MAP3K13: variants seen among roughly 807,000 people sequenced by gnomAD.
The protein encoded by MAP3K13 is leucine zipper-bearing kinase.
In MAP3K13, 52 loss-of-function variants were observed where a neutral mutation model predicts 104.0. That is an observed-to-expected ratio of 0.50 (90% CI 0.40 to 0.63). The LOEUF is 0.63. Among genes scored for constraint, MAP3K13 ranks in the 20% least tolerant of loss-of-function variants. The pLI, the probability that MAP3K13 is intolerant of heterozygous loss-of-function variation, is 0.00. For missense variants in MAP3K13, 914 were observed against 1,218.5 expected, an observed-to-expected ratio of 0.75 and a Z score of 3.72; for synonymous variants, 394 against 442.2, an observed-to-expected ratio of 0.89 and a Z score of 1.37.
At chr3:185,427,082 G>A (rs1031570617) in intron 1 of MAP3K13, among the ~76,000 whole-genome samples, 2 of 152,198 alleles carry the variant, frequency 1.3e-5, no homozygotes, top group African/African-American at 4.8e-5. Context: ...GCTGGGCGCA[G>A]TGGCCCATGC....
Position 185,473,578 on chromosome 3 carries a change from G to A in MAP3K13, c.2247G>A (p.Glu749=). Residue 749 remains glutamate (E), a synonymous_variant, in exon 11 of 14, where the codon GAG becomes GAA. Coordinates refer to ENST00000265026, the MANE Select transcript of MAP3K13 (RefSeq NM_004721.5). This position sits in a 1 kb window ranked among gnomAD's most constrained non-coding sequence, Gnocchi z 4.9. The part of the protein sequence containing the change: ...QYGSLDIPSA[E]PVGRSPDLSK... ...GGTCCTTAGACATACCCTCTGCTGA[G>A]CCAGTGGGGAGGAGCCCTGACCTTT... 6.2e-7 allele frequency: 1 copy of A among 1,614,184 alleles called. No homozygotes were observed. Among genetic ancestry groups the A allele is most frequent in the South Asian group, 1.1e-5 (1 of 91,088 alleles).
At chr3:185,390,874 GC>G (rs1420412674) in intron 1 of MAP3K13, among the ~76,000 whole-genome samples, 1 of 151,994 alleles carries the variant, frequency 6.6e-6, no homozygotes, top group African/African-American at 2.4e-5. Context: ...GCCTGCCTCG[GC>G]CTCACAAAGT....
chr3:185,400,905 GTTTTTTT>G (rs71164506), intron 1 of MAP3K13, among the ~76,000 whole-genome samples: 5 of 107,294 alleles, frequency 4.7e-5, no homozygotes, highest in African/African-American at 1.5e-4. Flanking sequence ...GTGTTTGTTT[GTTTTTTT>G]TTTTTTTTTT....
chr3:185,297,138 T>TA (rs1230610262), intron 2 of MAP3K13, among the ~76,000 whole-genome samples: 4 of 151,450 alleles, frequency 2.6e-5, no homozygotes, highest in South Asian at 2.1e-4. Context: ...GTTACTCTTC[T>TA]AAAAAAAAAC....
At chr3:185,401,102 A>G (rs1232407407) in intron 1 of MAP3K13, among the ~76,000 whole-genome samples, 2 of 152,172 alleles carry the variant, frequency 1.3e-5, no homozygotes, top group East Asian at 1.9e-4. Flanking sequence ...GCCTCTTGCC[A>G]GGTGAACACA....
chr3:185,418,236 T>C lies in MAP3K13; in HGVS notation c.-85-10261T>C. 1 of 1,607,500 alleles carries C rather than the reference T, an allele frequency of 6.2e-7. No homozygotes were observed. On this transcript the variant is annotated intron_variant, in intron 1 of 13. Transcript: ENST00000265026. This position sits in a 1 kb window ranked among gnomAD's most constrained non-coding sequence, Gnocchi z 4.5. ...TCATTCGCTGAGAGGCATAGACCTT[T>C]TCGATATCATTCCAGGCTTTAAGTT... is the stretch of plus-strand genomic sequence containing the variant.
At position 185,485,672 on chromosome 3, in the gene MAP3K13, A is replaced by G. The variant is rs1379764998; in HGVS notation, c.*3216A>G. The G allele has an allele frequency of 6.6e-6, 1 of 152,182 alleles. No individual in the cohort carries two copies. The highest frequency in any genetic ancestry group is 1.5e-5 in the Non-Finnish European group (1 of 68,018). 9.4% of individuals were successfully genotyped at this position (152,182 alleles called of 1,614,324 possible). A position where few individuals can be genotyped will look rare whatever the true frequency, so the allele number is the denominator to read the frequency against. On this transcript the variant is annotated 3_prime_UTR_variant, in exon 14 of 14. Coordinates refer to ENST00000265026, the MANE Select transcript of MAP3K13 (RefSeq NM_004721.5). ...TAATTAATAATAGCCCCAAAGGGCA[A>G]GAGTGCTGTGCCTAATTTACAAATT...
intron 2 of MAP3K13, among the ~76,000 whole-genome samples, chr3:185,344,479 C>G (rs1219398316): frequency 6.6e-6 from 1 of 152,198 alleles, no homozygotes; most frequent in Non-Finnish European, 1.5e-5. Context: ...ATATATTACC[C>G]TGCTCTGCTA....
intron 2 of MAP3K13, among the ~76,000 whole-genome samples, chr3:185,346,328 G>A (rs2108726554): frequency 6.6e-6 from 1 of 152,210 alleles, no homozygotes; most frequent in East Asian, 1.9e-4. Context: ...AAAATCACCA[G>A]TCTCTCTATA....
At chr3:185,433,936 G>T (rs1030707329) in intron 2 of MAP3K13, among the ~76,000 whole-genome samples, 2 of 150,960 alleles carry the variant, frequency 1.3e-5, no homozygotes, top group Non-Finnish European at 3.0e-5. Flanking sequence ...TGAAAAGAAA[G>T]GATTTTTAAA....
At position 185,480,474 on chromosome 3, in the gene MAP3K13, G is replaced by A. The variant is rs3732576; in HGVS notation, c.2744G>A (p.Arg915His). 1.9e-4 allele frequency: 302 copies of A among 1,614,172 alleles called. 1 individual carries two copies. In the East Asian group the frequency reaches 4.6e-3, roughly 25 times the overall value. ...TCTGACAAGGAGTGTGCCGTGCGCC[G>A]TGTGAAGACTCAGATGTCTCTGGGC... ...GLSDKECAVR[R>H]VKTQMSLGKL... Residue 915 changes from arginine (R) to histidine (H), a missense_variant, in exon 13 of 14, where the codon CGT (arginine) becomes CAT (histidine). Physicochemically the swap from Arg to His is conservative, Grantham distance 29 (BLOSUM62 0). This residue lies in a region of MAP3K13 where 583 missense variants were observed against 737.4 expected (regional missense o/e 0.79). Transcript: ENST00000265026.
intron 1 of MAP3K13, among the ~76,000 whole-genome samples, chr3:185,382,549 C>G (rs762217715): frequency 3.9e-4 from 59 of 152,144 alleles, no homozygotes; most frequent in Non-Finnish European, 6.9e-4. Flanking sequence ...GTTTGCCCCT[C>G]CAAACCCATC....
chr3:185,348,559 C>G (rs1394854202), intron 2 of MAP3K13, among the ~76,000 whole-genome samples: 1 of 152,168 alleles, frequency 6.6e-6, no homozygotes, highest in East Asian at 1.9e-4. Flanking sequence ...TATGGACATG[C>G]TGCTTTTCTT....
At chr3:185,431,086 C>T (rs1281526795) in intron 2 of MAP3K13, among the ~76,000 whole-genome samples, 9 of 152,184 alleles carry the variant, frequency 5.9e-5, no homozygotes, top group Non-Finnish European at 1.3e-4. Flanking sequence ...CTCGTGAGCA[C>T]TCACTCACTA....
chr3:185,447,922 C>T lies in MAP3K13; in HGVS notation c.985C>T (p.Pro329Ser), dbSNP rs1248270360. Residue 329 changes from proline (P) to serine (S), a missense_variant, in exon 5 of 14, where the codon CCT becomes TCT. By Grantham distance (74) the Pro-to-Ser change is moderately conservative. Transcript: ENST00000265026. ...GGCGCCAGAGGTGATACGGAATGAA[C>T]CTGTCTCTGAAAAAGTTGATATATG... ...WMAPEVIRNE[P>S]VSEKVDIWSF... The T allele has an allele frequency of 1.9e-6, 3 of 1,610,572 alleles. No homozygotes were observed. Among genetic ancestry groups the T allele is most frequent in the Admixed American group, 3.4e-5 (2 of 59,052 alleles).
intron 7 of MAP3K13, 38 bp downstream of exon 7, chr3:185,451,433 G>C: frequency 2.2e-6 from 3 of 1,346,188 alleles, no homozygotes; most frequent in Non-Finnish European, 2.1e-6. Context: ...CTACTAAACA[G>C]ATAGAGAACT....
chr3:185,482,276 C>A lies in MAP3K13; in HGVS notation c.2800-79C>A. ...TGTAGCCCCCTTACCAAGCACAGTGCCTGTTGTGTGGGAGGTGTTTGACAT... is the reference window on the plus strand; with the variant it reads ...TGTAGCCCCCTTACCAAGCACAGTGACTGTTGTGTGGGAGGTGTTTGACAT... On this transcript the variant is annotated intron_variant, in intron 13 of 13. Coordinates refer to ENST00000265026, the MANE Select transcript of MAP3K13 (RefSeq NM_004721.5). The surrounding 1 kb of genome is among the most constrained non-coding windows in gnomAD (Gnocchi z 4.5). 2.0e-6 allele frequency: 2 copies of A among 998,178 alleles called. No individual in the cohort carries two copies. The highest frequency in any genetic ancestry group is 3.2e-6 in the Non-Finnish European group (2 of 625,090). The allele number at this position is 998,178 out of a possible 1,614,324, so 61.8% of individuals were successfully genotyped here. A position where few individuals can be genotyped will look rare whatever the true frequency, so the allele number is the denominator to read the frequency against.
chr3:185,472,294 C>A (rs1430304162), intron 10 of MAP3K13, among the ~76,000 whole-genome samples: 1 of 149,812 alleles, frequency 6.7e-6, no homozygotes, highest in African/African-American at 2.5e-5. Context: ...CTCACTGCAA[C>A]CTCCGCCTCC....
At chr3:185,366,846 T>A (rs1340993501) in intron 1 of MAP3K13, among the ~76,000 whole-genome samples, 1 of 152,226 alleles carries the variant, frequency 6.6e-6, no homozygotes, top group Non-Finnish European at 1.5e-5. Flanking sequence ...CTTTATCAGA[T>A]GTATACTTTG....
Sources: allele counts gnomAD v4.1 joint callset (sites outside exome capture counted in the v4.1 genomes callset), GRCh38; gene constraint gnomAD v4.1.1; regional missense constraint gnomAD v4.1.1; non-coding constraint Gnocchi (gnomAD v3.1); transcripts MANE v1.5; gene names NCBI Gene and HGNC (gene_info 2026-07-23, HGNC 2026-07-21).